Variants in SBF2 observed in about 807,000 individuals in gnomAD.
The protein encoded by SBF2 is SET binding factor 2.
Under a neutral mutation model 225.2 loss-of-function variants are expected in SBF2, and 112 were observed. That is an observed-to-expected ratio of 0.50 (90% CI 0.43 to 0.58). The LOEUF is 0.58. Ranked by LOEUF, SBF2 falls within the 20% of genes least tolerant of loss-of-function variation. The pLI is 0.00. For synonymous variants in SBF2, 763 were observed against 773.3 expected (o/e 0.99, Z 0.22); for missense variants, 1,996 against 2,206.2 (o/e 0.90, Z 1.91).
chr11:9,929,070 G>C, intron 16 of SBF2: 1 of 409,372 alleles, frequency 2.4e-6, no homozygotes, highest in Non-Finnish European at 4.7e-6. Flanking sequence ...AGAGGAAGAT[G>C]AGGAGTGTAG....
chr11:10,008,391 A>G (rs978819251), intron 6 of SBF2, among the ~76,000 whole-genome samples: 4 of 152,196 alleles, frequency 2.6e-5, no homozygotes, highest in African/African-American at 7.2e-5. Flanking sequence ...AGGAAACTCC[A>G]AAAGCTAGCA....
intron 1 of SBF2, among the ~76,000 whole-genome samples, chr11:10,280,003 A>T (rs1166359066): frequency 6.6e-6 from 1 of 152,200 alleles, no homozygotes; most frequent in Non-Finnish European, 1.5e-5. Flanking sequence ...AGTATCGTTT[A>T]TCTGAAATGT....
At position 9,963,866 on chromosome 11, in the gene SBF2, CT is replaced by C; in HGVS notation, c.1616del (p.Lys539ArgfsTer2). 6.3e-7 allele frequency: 1 copy of C among 1,596,960 alleles called. No homozygotes were observed. Among genetic ancestry groups the C allele is most frequent in the Non-Finnish European group, 8.6e-7 (1 of 1,165,084 alleles). ...GTGCACTGTTGAAAACTGTCGTCAC[CT>C]TGTCCATTATCGAAACTAGTAAAAG... is the stretch of plus-strand genomic sequence containing the variant. ...AGPPVVSIMD[K>X]VTTVFNSAQR... On this transcript the variant is annotated frameshift_variant, in exon 15 of 40. Coordinates refer to ENST00000256190, the MANE Select transcript of SBF2 (RefSeq NM_030962.4). LOFTEE classifies it high-confidence loss of function.
intron 17 of SBF2, among the ~76,000 whole-genome samples, chr11:9,877,219 T>C (rs1438318111): frequency 1.3e-5 from 2 of 152,158 alleles, no homozygotes; most frequent in Admixed American, 6.6e-5. Flanking sequence ...ACAACAATGA[T>C]GATCAAGGTA....
intron 1 of SBF2, among the ~76,000 whole-genome samples, chr11:10,231,971 C>G (rs534559920): frequency 6.6e-6 from 1 of 152,208 alleles, no homozygotes; most frequent in Non-Finnish European, 1.5e-5. Context: ...TCGAGCTTCC[C>G]GGCCGCTTTG....
intron 2 of SBF2, among the ~76,000 whole-genome samples, chr11:10,111,960 T>G (rs1952882915): frequency 2.0e-5 from 3 of 152,166 alleles, no homozygotes; most frequent in Admixed American, 2.0e-4. Context: ...GGGCAAAATC[T>G]CCTATTTCAG....
At chr11:10,063,858 C>CACACACACACAGAGAGAGAGAGAGAG in intron 2 of SBF2, among the ~76,000 whole-genome samples, 1 of 136,240 alleles carries the variant, frequency 7.3e-6, no homozygotes, top group Admixed American at 7.7e-5. Context: ...CACACACACA[C>CACACACACACAGAGAGAGAGAGAGAG]AGAGAGAGAG....
chr11:9,944,688 T>C (rs1865464075), intron 16 of SBF2, among the ~76,000 whole-genome samples: 1 of 152,160 alleles, frequency 6.6e-6, no homozygotes, highest in Non-Finnish European at 1.5e-5. Flanking sequence ...AAACAGTCCA[T>C]GTTCAAGGAT....
At chr11:10,084,234 T>A (rs373715134) in intron 2 of SBF2, among the ~76,000 whole-genome samples, 44 of 151,854 alleles carry the variant, frequency 2.9e-4, no homozygotes, top group African/African-American at 9.9e-4. Context: ...TGCACATGTA[T>A]CCTGGAACTT....
chr11:9,887,762 G>GA (rs1860452070), intron 17 of SBF2, among the ~76,000 whole-genome samples: 1 of 149,578 alleles, frequency 6.7e-6, no homozygotes, highest in Non-Finnish European at 1.5e-5. Context: ...GTTTACAGCA[G>GA]AAAAAAACGA....
intron 32 of SBF2, among the ~76,000 whole-genome samples, chr11:9,798,810 G>T (rs1452696043): frequency 6.6e-6 from 1 of 151,932 alleles, no homozygotes; most frequent in Non-Finnish European, 1.5e-5. Context: ...ATTTTAGCTG[G>T]GCGTGGTGGC....
chr11:10,047,188 C>T (rs1396162983), intron 2 of SBF2, among the ~76,000 whole-genome samples: 1 of 152,132 alleles, frequency 6.6e-6, no homozygotes, highest in East Asian at 1.9e-4. Context: ...GACAAAATGT[C>T]AGTTTGTCCC....
At chr11:9,844,321 C>T (rs1856386080) in intron 24 of SBF2, among the ~76,000 whole-genome samples, 1 of 152,190 alleles carries the variant, frequency 6.6e-6, no homozygotes, top group Admixed American at 6.5e-5. Context: ...AATCCCCAAT[C>T]TACCCTTCTT....
chr11:9,933,322 A>G (rs570245364), intron 16 of SBF2, among the ~76,000 whole-genome samples: 19 of 152,196 alleles, frequency 1.2e-4, no homozygotes, highest in Admixed American at 3.9e-4. Flanking sequence ...ATGGACATCT[A>G]CAGAACTCTC....
chr11:10,015,439 T>G (rs1378602555), intron 6 of SBF2, among the ~76,000 whole-genome samples: 2 of 152,216 alleles, frequency 1.3e-5, no homozygotes, highest in Non-Finnish European at 2.9e-5. Context: ...ATTTTCCAGC[T>G]TCTGGTGACT....
At chr11:10,258,077 CACAT>C (rs1961034371) in intron 1 of SBF2, among the ~76,000 whole-genome samples, 1 of 114,128 alleles carries the variant, frequency 8.8e-6, no homozygotes, top group East Asian at 2.5e-4. Context: ...TAAATACACA[CACAT>C]ACACACACAC....
intron 17 of SBF2, among the ~76,000 whole-genome samples, chr11:9,878,906 A>G (rs559819348): frequency 6.6e-5 from 10 of 152,290 alleles, no homozygotes; most frequent in African/African-American, 2.4e-4. Flanking sequence ...CCAACACTTA[A>G]AACTCCCTCT....
intron 32 of SBF2, among the ~76,000 whole-genome samples, chr11:9,799,554 A>ATTTC (rs1337520397): frequency 1.3e-5 from 2 of 152,238 alleles, no homozygotes; most frequent in East Asian, 3.8e-4. Context: ...GCATGTAAAC[A>ATTTC]TTTCTTTGGT....
chr11:9,959,888 C>T (rs1866450676), intron 16 of SBF2: 1 of 411,570 alleles, frequency 2.4e-6, no homozygotes, highest in African/African-American at 2.0e-5. Flanking sequence ...CTCAGAAACT[C>T]TGCTCTTCTC....
Sources: allele counts gnomAD v4.1 joint callset (sites outside exome capture counted in the v4.1 genomes callset), GRCh38; gene constraint gnomAD v4.1.1; transcripts MANE v1.5; gene names NCBI Gene and HGNC (gene_info 2026-07-23, HGNC 2026-07-21).